The following LPAR1 variants were observed in gnomAD, a reference collection of about 807,000 sequenced individuals.
LPAR1 encodes lysophosphatidic acid receptor 1.
Under a neutral mutation model 23.8 loss-of-function variants are expected in LPAR1, and 5 were observed. The observed-to-expected ratio is 0.21, with a 90% confidence interval of 0.11 to 0.44. The LOEUF (loss-of-function observed/expected upper bound fraction) is 0.44, where lower values mean the gene tolerates loss of function less well. LPAR1 is among the 20% of genes least tolerant of loss of function. The pLI is 0.99. For missense variants in LPAR1, 311 were observed against 482.8 expected (o/e 0.64, Z 3.33); for synonymous variants, 160 against 164.7 (o/e 0.97, Z 0.22).
At chr9:110,988,601 A>G (rs560114467) in intron 2 of LPAR1, among the ~76,000 whole-genome samples, 1 of 128,324 alleles carries the variant, frequency 7.8e-6, no homozygotes, top group Non-Finnish European at 1.7e-5. Flanking sequence ...TTCACACTTC[A>G]TAACTACTAG....
At chr9:111,000,985 CT>C (rs1363851278) in intron 2 of LPAR1, among the ~76,000 whole-genome samples, 1 of 152,160 alleles carries the variant, frequency 6.6e-6, no homozygotes, top group Admixed American at 6.5e-5. Flanking sequence ...CTTTTGTTCA[CT>C]GCATGTTTCC....
chr9:110,929,726 G>A (rs1207196638), intron 5 of LPAR1, among the ~76,000 whole-genome samples: 2 of 150,888 alleles, frequency 1.3e-5, no homozygotes, highest in African/African-American at 4.9e-5. Flanking sequence ...GTGTGTGTGT[G>A]TGTGTGTGTG....
intron 5 of LPAR1, among the ~76,000 whole-genome samples, chr9:110,910,574 G>C (rs2092294013): frequency 6.6e-6 from 1 of 152,010 alleles, no homozygotes; most frequent in East Asian, 1.9e-4. Context: ...AGTATATTTT[G>C]TAAAGCTAGA....
intron 2 of LPAR1, among the ~76,000 whole-genome samples, chr9:111,001,767 A>T (rs2097132843): frequency 6.6e-6 from 1 of 152,204 alleles, no homozygotes; most frequent in Non-Finnish European, 1.5e-5. Context: ...ACAAGAAGTT[A>T]AAAAGACCGT....
intron 2 of LPAR1, among the ~76,000 whole-genome samples, chr9:110,988,477 T>A (rs532992363): frequency 3.3e-5 from 5 of 152,228 alleles, no homozygotes; most frequent in African/African-American, 1.2e-4. Context: ...ACAAGCTAAT[T>A]TTAAAATGAT....
At chr9:110,882,213 T>G (rs574882237) in intron 5 of LPAR1, among the ~76,000 whole-genome samples, 1 of 152,314 alleles carries the variant, frequency 6.6e-6, no homozygotes, top group South Asian at 2.1e-4. Flanking sequence ...GTTTACATGT[T>G]TATTGTTTTA....
At position 110,944,647 on chromosome 9, in the gene LPAR1, A is replaced by G. The variant is rs567824989; in HGVS notation, c.46-2479T>C. On this transcript the variant is annotated intron_variant, in intron 4 of 5. Transcript: ENST00000683809. ...AGCCCTTCCCACAGAGAAAAACGAT[A>G]AAGTTAAGGATGGCAAAATTAAGAA... 2.6e-4 allele frequency among the ~76,000 whole-genome samples: 39 copies of G among 152,296 alleles called. No individual in the cohort carries two copies. In the South Asian group the frequency reaches 8.1e-3, roughly 32 times the overall value.
At chr9:110,885,484 A>G (rs934234020) in intron 5 of LPAR1, among the ~76,000 whole-genome samples, 4 of 152,356 alleles carry the variant, frequency 2.6e-5, no homozygotes, top group South Asian at 4.1e-4. Context: ...AATAGAACAA[A>G]TAAAGTCAGA....
In LPAR1 at chr9:110,915,939, T is replaced by C. The variant is rs371410185; in HGVS notation, c.793+25482A>G. ...AATATAAGTTATCAAATTATCAATA[T>C]GAAAATCATGGTAATAACATGAATG... On this transcript the variant is annotated intron_variant, in intron 5 of 5. Transcript: ENST00000683809. Among the ~76,000 whole-genome samples the C allele has an allele frequency of 9.9e-5, 15 of 152,260 alleles. No homozygotes were observed. The East Asian group carries it at 2.5e-3, about 25-fold the overall frequency.
chr9:111,016,781 T>A (rs1195268544), intron 2 of LPAR1, among the ~76,000 whole-genome samples: 2 of 152,220 alleles, frequency 1.3e-5, no homozygotes, highest in Non-Finnish European at 2.9e-5. Flanking sequence ...ATGTGGAATG[T>A]CTATGCTTGG....
intron 2 of LPAR1, among the ~76,000 whole-genome samples, chr9:110,975,593 T>C (rs1290844490): frequency 6.6e-6 from 1 of 152,116 alleles, no homozygotes; most frequent in African/African-American, 2.4e-5. Flanking sequence ...TAAAAAGAGA[T>C]GGAAAGCACA....
intron 2 of LPAR1, among the ~76,000 whole-genome samples, chr9:111,005,387 G>C (rs766613762): frequency 1.1e-4 from 16 of 150,606 alleles, no homozygotes; most frequent in Non-Finnish European, 2.2e-4. Flanking sequence ...GGGCAACATG[G>C]TGAAAAAAAT....
At chr9:110,960,748 G>T (rs908469293) in intron 4 of LPAR1, among the ~76,000 whole-genome samples, 1 of 152,124 alleles carries the variant, frequency 6.6e-6, no homozygotes, top group Non-Finnish European at 1.5e-5. Context: ...AAGAGAAAAA[G>T]ATCACCTTTT....
At chr9:110,927,318 A>AT (rs1473475993) in intron 5 of LPAR1, among the ~76,000 whole-genome samples, 1 of 151,698 alleles carries the variant, frequency 6.6e-6, no homozygotes, top group East Asian at 1.9e-4. Context: ...GGCACTTCCT[A>AT]TAAAAAGAGC....
intron 4 of LPAR1, among the ~76,000 whole-genome samples, chr9:110,949,357 A>AAAGACAAAACGG (rs536207048): frequency 6.6e-4 from 101 of 152,368 alleles, no homozygotes; most frequent in Middle Eastern, 3.4e-3. Context: ...ATAAATGATT[A>AAAGACAAAACGG]AAGACAAAAC....
intron 2 of LPAR1, among the ~76,000 whole-genome samples, chr9:111,021,586 T>C (rs1042419182): frequency 6.6e-6 from 1 of 152,208 alleles, no homozygotes; most frequent in African/African-American, 2.4e-5. Context: ...GATAATCATA[T>C]TTTTCCATGT....
chr9:110,989,498 C>G (rs1396842047), intron 2 of LPAR1, among the ~76,000 whole-genome samples: 2 of 152,098 alleles, frequency 1.3e-5, no homozygotes, highest in African/African-American at 4.8e-5. Flanking sequence ...AGTAAGTATA[C>G]TGTATTGTTG....
intron 5 of LPAR1, among the ~76,000 whole-genome samples, chr9:110,894,098 CAT>C (rs1282357918): frequency 2.6e-5 from 4 of 151,996 alleles, no homozygotes; most frequent in African/African-American, 7.3e-5. Flanking sequence ...TAAAACAAAA[CAT>C]GTTTAATAAT....
At chr9:110,917,153 C>T (rs1349069287) in intron 5 of LPAR1, among the ~76,000 whole-genome samples, 1 of 124,292 alleles carries the variant, frequency 8.0e-6, no homozygotes, top group Admixed American at 8.6e-5. Flanking sequence ...GCCTGGCTAA[C>T]AAAGTGCAAC....
Sources: allele counts gnomAD v4.1 joint callset (sites outside exome capture counted in the v4.1 genomes callset), GRCh38; gene constraint gnomAD v4.1.1; transcripts MANE v1.5; gene names NCBI Gene and HGNC (gene_info 2026-07-23, HGNC 2026-07-21).